The following LMNTD1 variants were observed in gnomAD, a reference collection of about 807,000 sequenced individuals.
The protein encoded by LMNTD1 is lamin tail domain containing 1.
In LMNTD1, 35 loss-of-function variants were observed where a neutral mutation model predicts 50.9. The observed-to-expected ratio is 0.69, with a 90% confidence interval of 0.53 to 0.91. The LOEUF (loss-of-function observed/expected upper bound fraction) is 0.91, where lower values mean the gene tolerates loss of function less well. Ranked by LOEUF, LMNTD1 falls within the 40% of genes least tolerant of loss-of-function variation. The probability of loss-of-function intolerance (pLI) is 0.00; values close to 1 mark genes in which losing one functional copy is unlikely to be tolerated. For synonymous variants in LMNTD1, 153 were observed against 161.9 expected (o/e 0.94, Z 0.42); for missense variants, 470 against 475.5 (o/e 0.99, Z 0.11).
At chr12:25,511,166 CAAG>C (rs1329582532) in intron 8 of LMNTD1, among the ~76,000 whole-genome samples, 1 of 152,024 alleles carries the variant, frequency 6.6e-6, no homozygotes, top group African/African-American at 2.4e-5. Flanking sequence ...GCATAGAATG[CAAG>C]AAGGAGAATG....
At chr12:25,579,424 C>T (rs923360776) in intron 1 of LMNTD1, among the ~76,000 whole-genome samples, 1 of 152,082 alleles carries the variant, frequency 6.6e-6, no homozygotes, top group African/African-American at 2.4e-5. Context: ...CATTTTATAT[C>T]AGGGACTTTA....
chr12:25,556,850 ATT>A (rs1165268350), upstream of LMNTD1, among the ~76,000 whole-genome samples: 2 of 152,192 alleles, frequency 1.3e-5, no homozygotes, highest in African/African-American at 2.4e-5. Flanking sequence ...GGCTTTATAT[ATT>A]TTAGTTCTCT....
intron 1 of LMNTD1, among the ~76,000 whole-genome samples, chr12:25,608,135 T>C (rs4562918): frequency 0.29 from 43,556 of 151,578 alleles, 7,545 homozygotes; most frequent in East Asian, 0.8. Context: ...AAGTCTGTTT[T>C]GTCAGAGACT....
chr12:25,590,897 C>G (rs973566690), intron 1 of LMNTD1, among the ~76,000 whole-genome samples: 5 of 152,160 alleles, frequency 3.3e-5, no homozygotes, highest in Admixed American at 6.5e-5. Flanking sequence ...CTGAAGAGCC[C>G]TTGGGTCCTG....
At chr12:25,542,269 C>T (rs1021845996) in intron 4 of LMNTD1, among the ~76,000 whole-genome samples, 30 of 152,130 alleles carry the variant, frequency 2.0e-4, no homozygotes, top group East Asian at 3.9e-4. Flanking sequence ...GACACATGCA[C>T]GTGTATGTTT....
intron 1 of LMNTD1, among the ~76,000 whole-genome samples, chr12:25,590,823 C>T (rs117529799): frequency 8.5e-5 from 13 of 152,158 alleles, no homozygotes; most frequent in East Asian, 3.9e-4. Flanking sequence ...GGACCCTGGA[C>T]GAGAAGGGAA....
chr12:25,576,135 G>A (rs1327973600), intron 1 of LMNTD1, among the ~76,000 whole-genome samples: 1 of 152,130 alleles, frequency 6.6e-6, no homozygotes, highest in African/African-American at 2.4e-5. Context: ...ATTGTGAATA[G>A]TGCCGCAATA....
At chr12:25,565,418 TA>T (rs1334311433) in intron 1 of LMNTD1, among the ~76,000 whole-genome samples, 1 of 152,186 alleles carries the variant, frequency 6.6e-6, no homozygotes, top group Non-Finnish European at 1.5e-5. Context: ...TTTAAGATGA[TA>T]ACAACTTAAC....
chr12:25,573,864 C>T (rs752320037), intron 1 of LMNTD1, among the ~76,000 whole-genome samples: 15 of 152,104 alleles, frequency 9.9e-5, no homozygotes, highest in Non-Finnish European at 2.2e-4. Flanking sequence ...TTCGGAGCAT[C>T]GTGGGACCTG....
intron 4 of LMNTD1, among the ~76,000 whole-genome samples, chr12:25,528,834 C>T (rs1438865101): frequency 5.3e-5 from 8 of 152,108 alleles, no homozygotes; most frequent in African/African-American, 1.9e-4. Flanking sequence ...CAACTTCTCC[C>T]TCTGGACTAC....
intron 4 of LMNTD1, among the ~76,000 whole-genome samples, chr12:25,539,938 T>C (rs1303226879): frequency 6.6e-6 from 1 of 151,608 alleles, no homozygotes; most frequent in Non-Finnish European, 1.5e-5. Context: ...CAGAGAATAC[T>C]ACAAACACCT....
At chr12:25,575,964 C>T (rs201509213) in intron 1 of LMNTD1, among the ~76,000 whole-genome samples, 2 of 152,066 alleles carry the variant, frequency 1.3e-5, no homozygotes, top group African/African-American at 2.4e-5. Context: ...CCTTGCGATA[C>T]TTTGCTCAGA....
intron 1 of LMNTD1, among the ~76,000 whole-genome samples, chr12:25,634,252 A>T (rs1458918226): frequency 6.6e-6 from 1 of 152,184 alleles, no homozygotes; most frequent in African/African-American, 2.4e-5. Context: ...TACCAGACAG[A>T]CCTTCAAAGA....
chr12:25,588,106 T>C (rs1945595998), intron 1 of LMNTD1, among the ~76,000 whole-genome samples: 1 of 152,138 alleles, frequency 6.6e-6, no homozygotes, highest in African/African-American at 2.4e-5. Context: ...GTCTCAGAGA[T>C]AGTAAATGTG....
At position 25,549,557 on chromosome 12, in the gene LMNTD1, A is replaced by G; in HGVS notation, c.90-11T>C. On this transcript the variant is annotated splice_polypyrimidine_tract_variant and intron_variant, in intron 2 of 9. Transcript: ENST00000458174. ...AGTTTGTCTTCTCTTCTGTGTACAA[A>G]AAATATAATATAAATAAATAAATAA... is the stretch of plus-strand genomic sequence containing the variant. The G allele has an allele frequency of 7.1e-7, 1 of 1,410,826 alleles. No homozygotes were observed. The highest frequency in any genetic ancestry group is 9.8e-7 in the Non-Finnish European group (1 of 1,018,444). 87.4% of individuals were successfully genotyped at this position (1,410,826 alleles called of 1,614,324 possible). A position where few individuals can be genotyped will look rare whatever the true frequency, so the allele number is the denominator to read the frequency against.
intron 9 of LMNTD1, among the ~76,000 whole-genome samples, chr12:25,477,727 C>A (rs1938316371): frequency 6.6e-6 from 1 of 152,012 alleles, no homozygotes; most frequent in African/African-American, 2.4e-5. Context: ...ATTGTAGTTT[C>A]CCATTGACCT....
At chr12:25,585,121 C>T (rs1032376734) in intron 1 of LMNTD1, among the ~76,000 whole-genome samples, 6 of 152,146 alleles carry the variant, frequency 3.9e-5, no homozygotes, top group Non-Finnish European at 5.9e-5. Flanking sequence ...AATAAACACC[C>T]GAGTCTGACA....
intron 9 of LMNTD1, among the ~76,000 whole-genome samples, chr12:25,502,379 T>A (rs941767665): frequency 7.2e-5 from 11 of 152,218 alleles, no homozygotes; most frequent in Non-Finnish European, 1.3e-4. Context: ...CCTCATTCTT[T>A]GCATTTCAAT....
At chr12:25,640,920 G>C (rs1946949017) in intron 1 of LMNTD1, among the ~76,000 whole-genome samples, 2 of 152,064 alleles carry the variant, frequency 1.3e-5, no homozygotes, top group African/African-American at 4.8e-5. Flanking sequence ...ACCTGCCTCG[G>C]CCTCCCAAAG....
Sources: allele counts gnomAD v4.1 joint callset (sites outside exome capture counted in the v4.1 genomes callset), GRCh38; gene constraint gnomAD v4.1.1; transcripts MANE v1.5; gene names NCBI Gene and HGNC (gene_info 2026-07-23, HGNC 2026-07-21).